The following GPC5 variants were observed in gnomAD, a reference collection of about 807,000 sequenced individuals.
GPC5 encodes glypican 5.
GPC5 carries 47 observed loss-of-function variants against 53.9 expected under a neutral mutation model. That is an observed-to-expected ratio of 0.87 (90% CI 0.69 to 1.11). The LOEUF is 1.11. Among genes scored for constraint, GPC5 ranks in the 50% most tolerant of loss-of-function variants. The probability of loss-of-function intolerance (pLI) is 0.00; values close to 1 mark genes in which losing one functional copy is unlikely to be tolerated. For synonymous variants in GPC5, 286 were observed against 263.3 expected (o/e 1.09, Z -0.84); for missense variants, 748 against 713.1 (o/e 1.05, Z -0.56).
chr13:92,121,901 G>T (rs759434198), intron 6 of GPC5, among the ~76,000 whole-genome samples: 4 of 152,058 alleles, frequency 2.6e-5, no homozygotes, highest in African/African-American at 4.8e-5. Context: ...TTTTAAAAGA[G>T]AAAAAAATTA....
rs145217246 is a variant in GPC5 at position 92,081,223 on chromosome 13, T to C, written c.1402-63607T>C. ...TTCGAGTGATTCTCCCACCTCAGTC[T>C]TATGAGTAGCTGGGATTACAGGCAC... On this transcript the variant is annotated intron_variant, in intron 6 of 7. Transcript: ENST00000377067. Among the ~76,000 whole-genome samples, 708 of 152,316 alleles carry C rather than the reference T, an allele frequency of 4.6e-3. 8 individuals carry two copies. Among genetic ancestry groups the C allele is most frequent in the Middle Eastern group, 0.031 (9 of 294 alleles).
intron 7 of GPC5, among the ~76,000 whole-genome samples, chr13:92,267,612 A>T (rs1157860207): frequency 6.6e-6 from 1 of 151,992 alleles, no homozygotes; most frequent in African/African-American, 2.4e-5. Context: ...TCTTAATTTC[A>T]TGCTTTTTAA....
chr13:92,130,107 G>A (rs2041730882), intron 6 of GPC5, among the ~76,000 whole-genome samples: 2 of 152,066 alleles, frequency 1.3e-5, no homozygotes, highest in Admixed American at 6.6e-5. Context: ...GGAAGCTGGA[G>A]ACAATGAAAT....
chr13:91,415,918 AT>A (rs1012481687), intron 1 of GPC5, among the ~76,000 whole-genome samples: 5 of 151,954 alleles, frequency 3.3e-5, no homozygotes, highest in Admixed American at 1.3e-4. Context: ...TATCACATTA[AT>A]TTTTTTTACA....
intron 1 of GPC5, among the ~76,000 whole-genome samples, chr13:91,431,469 G>C (rs1355331379): frequency 6.6e-6 from 1 of 152,168 alleles, no homozygotes; most frequent in Non-Finnish European, 1.5e-5. Flanking sequence ...AAAATGTAGA[G>C]AGCTCAGATG....
chr13:91,422,614 C>A (rs2138989727), intron 1 of GPC5, among the ~76,000 whole-genome samples: 1 of 150,646 alleles, frequency 6.6e-6, no homozygotes, highest in Middle Eastern at 3.5e-3. Flanking sequence ...CCAGCCTGGG[C>A]AACAGAGCAA....
intron 1 of GPC5, among the ~76,000 whole-genome samples, chr13:91,439,958 C>T (rs1880298178): frequency 6.6e-6 from 1 of 152,168 alleles, no homozygotes; most frequent in African/African-American, 2.4e-5. Flanking sequence ...CCCATGTGAA[C>T]CAACCTCATC....
intron 7 of GPC5, among the ~76,000 whole-genome samples, chr13:92,811,295 T>A (rs1399137114): frequency 6.6e-6 from 1 of 152,006 alleles, no homozygotes; most frequent in African/African-American, 2.4e-5. Context: ...TGCACCAATT[T>A]ACATTCCCAG....
intron 5 of GPC5, among the ~76,000 whole-genome samples, chr13:91,854,860 T>C (rs1378428162): frequency 6.6e-6 from 1 of 151,798 alleles, no homozygotes; most frequent in African/African-American, 2.4e-5. Flanking sequence ...GTTTTCAACA[T>C]TTGCTTAAAA....
intron 6 of GPC5, among the ~76,000 whole-genome samples, chr13:91,940,392 TGTTGATGGGCATCTAG>T (rs2039915137): frequency 6.6e-6 from 1 of 152,106 alleles, no homozygotes; most frequent in Non-Finnish European, 1.5e-5. Context: ...TACAATCCAT[TGTTGATGGGCATCTAG>T]GTTGATTTAA....
intron 1 of GPC5, among the ~76,000 whole-genome samples, chr13:91,418,747 C>A (rs1878404429): frequency 6.6e-6 from 1 of 152,184 alleles, no homozygotes; most frequent in South Asian, 2.1e-4. Context: ...TAAAAAAGAC[C>A]TTTCTGTTCT....
At chr13:91,589,649 G>T (rs944326191) in intron 2 of GPC5, among the ~76,000 whole-genome samples, 1 of 152,036 alleles carries the variant, frequency 6.6e-6, no homozygotes, top group Non-Finnish European at 1.5e-5. Context: ...GATTGACAAA[G>T]GGTACAATTT....
intron 5 of GPC5, among the ~76,000 whole-genome samples, chr13:91,907,356 C>G (rs532586505): frequency 8.4e-4 from 123 of 146,652 alleles, no homozygotes; most frequent in African/African-American, 3.0e-3. Context: ...TCACTTATTA[C>G]TTGGAGGAAC....
intron 7 of GPC5, among the ~76,000 whole-genome samples, chr13:92,632,460 C>CCATATATATATATATATATATATA (rs1566331859): frequency 3.3e-5 from 3 of 90,012 alleles, no homozygotes; most frequent in Non-Finnish European, 6.2e-5. Flanking sequence ...AGAAAATATT[C>CCATATATATATATATATATATATA]CACATATATA....
chr13:92,107,217 G>GT (rs1238945113), intron 6 of GPC5, among the ~76,000 whole-genome samples: 5 of 151,866 alleles, frequency 3.3e-5, no homozygotes, highest in South Asian at 2.1e-4. Context: ...ACTTTGCTTA[G>GT]TTTTTTCAAG....
At chr13:91,586,798 GA>G (rs1208912017) in intron 2 of GPC5, among the ~76,000 whole-genome samples, 2 of 150,968 alleles carry the variant, frequency 1.3e-5, no homozygotes, top group African/African-American at 4.9e-5. Context: ...GCACAATATT[GA>G]TTTTGTGGTC....
intron 2 of GPC5, among the ~76,000 whole-genome samples, chr13:91,596,712 C>T (rs2033006844): frequency 6.6e-6 from 1 of 152,060 alleles, no homozygotes; most frequent in South Asian, 2.1e-4. Context: ...TTAATTTTTC[C>T]TTACCACAAG....
chr13:91,707,580 C>T (rs1400727107), intron 3 of GPC5, among the ~76,000 whole-genome samples: 2 of 152,102 alleles, frequency 1.3e-5, no homozygotes, highest in East Asian at 3.9e-4. Context: ...ATGATCGCGC[C>T]ACTGCACTCC....
At chr13:91,406,733 TCTC>T (rs1877349291) in intron 1 of GPC5, among the ~76,000 whole-genome samples, 1 of 152,056 alleles carries the variant, frequency 6.6e-6, no homozygotes, top group Non-Finnish European at 1.5e-5. Context: ...CTTGTCATCT[TCTC>T]CTTCTGGGTG....
Sources: gnomAD v4.1 joint callset for allele counts (sites outside exome capture counted in the v4.1 genomes callset) on GRCh38, gnomAD v4.1.1 for gene constraint, MANE v1.5 for transcripts, NCBI Gene and HGNC (gene_info 2026-07-23, HGNC 2026-07-21) for gene names.